Variants in MAP3K13 observed in about 807,000 individuals in gnomAD.
MAP3K13 encodes mitogen-activated protein kinase kinase kinase 13, also known as leucine zipper-bearing kinase.
MAP3K13 carries 52 observed loss-of-function variants against 104.0 expected under a neutral mutation model. That is an observed-to-expected ratio of 0.50 (90% CI 0.40 to 0.63). The LOEUF (loss-of-function observed/expected upper bound fraction) is 0.63, where lower values mean the gene tolerates loss of function less well. MAP3K13 is among the 20% of genes least tolerant of loss of function. The pLI, the probability that MAP3K13 is intolerant of heterozygous loss-of-function variation, is 0.00. For missense variants in MAP3K13, 914 were observed against 1,218.5 expected (o/e 0.75, Z 3.72); for synonymous variants, 394 against 442.2 (o/e 0.89, Z 1.37).
At position 185,441,306 on chromosome 3, in the gene MAP3K13, C is replaced by T. The variant is rs374044061; in HGVS notation, c.660-2139C>T. On this transcript the variant is annotated intron_variant, in intron 3 of 13. Transcript: ENST00000265026. ...TTAGTCTCCTTCCTCCTCCTCCAGGCCTCTGCACATGTTATTTGAAGGCTT... is the reference window on the plus strand; with the variant it reads ...TTAGTCTCCTTCCTCCTCCTCCAGGTCTCTGCACATGTTATTTGAAGGCTT... 1.1e-4 allele frequency among the ~76,000 whole-genome samples: 17 copies of T among 152,310 alleles called. No homozygotes were observed. The East Asian group carries it at 1.7e-3, about 16-fold the overall frequency.
chr3:185,404,695 A>ATCAAGTGATTCTCCTG (rs1713009562), intron 1 of MAP3K13, among the ~76,000 whole-genome samples: 5 of 151,582 alleles, frequency 3.3e-5, no homozygotes, highest in African/African-American at 1.2e-4. Context: ...TCCTGCCTCA[A>ATCAAGTGATTCTCCTG]CCTCCCAAAT....
intron 1 of MAP3K13, among the ~76,000 whole-genome samples, chr3:185,395,708 G>A (rs1041158655): frequency 2.0e-5 from 3 of 150,566 alleles, no homozygotes; most frequent in African/African-American, 4.9e-5. Context: ...TTTTTGAGAC[G>A]GAGTCTTGCT....
At chr3:185,409,883 C>G (rs1020322811) in intron 1 of MAP3K13, among the ~76,000 whole-genome samples, 1 of 152,160 alleles carries the variant, frequency 6.6e-6, no homozygotes, top group African/African-American at 2.4e-5. Flanking sequence ...GCACCATGGA[C>G]CAGTTTCGTA....
chr3:185,436,934 G>C (rs1359425776), intron 2 of MAP3K13, among the ~76,000 whole-genome samples: 2 of 140,556 alleles, frequency 1.4e-5, no homozygotes, highest in African/African-American at 2.7e-5. Context: ...CCCAGAGGCA[G>C]AGGTTGCAGT....
At chr3:185,293,437 A>G (rs1161596606) in intron 2 of MAP3K13, among the ~76,000 whole-genome samples, 2 of 150,238 alleles carry the variant, frequency 1.3e-5, no homozygotes, top group African/African-American at 4.9e-5. Context: ...ACAGGGTCTC[A>G]CTTTATCACC....
intron 3 of MAP3K13, among the ~76,000 whole-genome samples, chr3:185,442,944 G>C (rs1170328966): frequency 7.9e-5 from 12 of 151,946 alleles, no homozygotes; most frequent in Admixed American, 7.9e-4. Context: ...GGTTCAAGCA[G>C]TTCTCTGCCT....
At chr3:185,476,771 G>A (rs1042917176) in intron 11 of MAP3K13, among the ~76,000 whole-genome samples, 2 of 152,302 alleles carry the variant, frequency 1.3e-5, no homozygotes, top group African/African-American at 2.4e-5. Flanking sequence ...TATATTTATA[G>A]GGATAACACC....
intron 2 of MAP3K13, among the ~76,000 whole-genome samples, chr3:185,345,878 AC>A (rs1419635202): frequency 1.3e-5 from 2 of 151,924 alleles, no homozygotes; most frequent in Admixed American, 1.3e-4. Context: ...TCTTCATGAA[AC>A]CGGTCCCTGG....
At chr3:185,475,992 AC>A (rs1296029002) in intron 11 of MAP3K13, among the ~76,000 whole-genome samples, 1 of 152,190 alleles carries the variant, frequency 6.6e-6, no homozygotes, top group African/African-American at 2.4e-5. Flanking sequence ...TGCATACCAT[AC>A]AGTCCTCCCA....
In MAP3K13 at chr3:185,482,351, G is replaced by A. The variant is rs1401774369; in HGVS notation, c.2800-4G>A. ...TGAATTAAGGTTTTGTCTTGCCTTT[G>A]CAGAACCCCATGCAGTTTGAAGAAT... On this transcript the variant is annotated splice_polypyrimidine_tract_variant and splice_region_variant and intron_variant, in intron 13 of 13. Transcript: ENST00000265026. The surrounding 1 kb of genome is among the most constrained non-coding windows in gnomAD (Gnocchi z 4.5). 1 of 1,609,728 alleles carries A rather than the reference G, an allele frequency of 6.2e-7. No homozygotes were observed. The highest frequency in any genetic ancestry group is 8.5e-7 in the Non-Finnish European group (1 of 1,176,010).
At chr3:185,291,048 A>G (rs2108672743) in intron 2 of MAP3K13, among the ~76,000 whole-genome samples, 1 of 152,242 alleles carries the variant, frequency 6.6e-6, no homozygotes, top group Middle Eastern at 3.4e-3. Flanking sequence ...CAATATTTTT[A>G]CTATGTTTTT....
intron 2 of MAP3K13, among the ~76,000 whole-genome samples, chr3:185,336,729 G>T (rs1169315050): frequency 6.6e-6 from 1 of 150,498 alleles, no homozygotes; most frequent in Non-Finnish European, 1.5e-5. Context: ...GAAGTTAAAA[G>T]GCTTTAACTT....
chr3:185,402,766 A>C (rs1020707447), intron 1 of MAP3K13, among the ~76,000 whole-genome samples: 1 of 152,260 alleles, frequency 6.6e-6, no homozygotes, highest in South Asian at 2.1e-4. Flanking sequence ...CCCAGCCCTG[A>C]TAGGAAAGAG....
At chr3:185,393,106 T>A (rs2108769671) in intron 1 of MAP3K13, among the ~76,000 whole-genome samples, 1 of 152,164 alleles carries the variant, frequency 6.6e-6, no homozygotes, top group African/African-American at 2.4e-5. Flanking sequence ...TAATGACCTG[T>A]GCTAGAAGGG....
At chr3:185,283,899 T>C (rs1244608349) in intron 1 of MAP3K13, among the ~76,000 whole-genome samples, 2 of 107,082 alleles carry the variant, frequency 1.9e-5, no homozygotes, top group Non-Finnish European at 3.6e-5. Context: ...TCTTTCTTTC[T>C]TTTTTTTTTT....
In MAP3K13 at chr3:185,284,876, C is replaced by A. The variant is rs1182816580; in HGVS notation, c.-204-649C>A. 3.3e-5 allele frequency among the ~76,000 whole-genome samples: 5 copies of A among 152,172 alleles called. No homozygotes were observed. In the South Asian group the frequency reaches 1.0e-3, roughly 32 times the overall value. On this transcript the variant is annotated intron_variant, in intron 1 of 14. Transcript: ENST00000424227. ...GGAAAAAAAGTGCAGATGAGACTGT[C>A]GTCAGGCTATGTAATGAAATCTTGG... is the stretch of plus-strand genomic sequence containing the variant.
chr3:185,399,629 G>GGC (rs1180857021), intron 1 of MAP3K13, among the ~76,000 whole-genome samples: 4 of 9,082 alleles, frequency 4.4e-4, no homozygotes, highest in African/African-American at 1.1e-3. Flanking sequence ...AGAAAGGCGG[G>GGC]GGGGGGGGGG....
At chr3:185,425,815 ACTT>A (rs1429993533) in intron 1 of MAP3K13, among the ~76,000 whole-genome samples, 4 of 152,060 alleles carry the variant, frequency 2.6e-5, no homozygotes, top group African/African-American at 7.2e-5. Flanking sequence ...TTCAAGCAAA[ACTT>A]CTTCTTATAA....
intron 2 of MAP3K13, among the ~76,000 whole-genome samples, chr3:185,430,929 A>T (rs541024863): frequency 2.1e-4 from 32 of 152,326 alleles, no homozygotes; most frequent in African/African-American, 7.2e-4. Flanking sequence ...ATGGACCCAC[A>T]GTTCAGCAGG....
Sources: gnomAD v4.1 joint callset for allele counts (sites outside exome capture counted in the v4.1 genomes callset) on GRCh38, gnomAD v4.1.1 for gene constraint, Gnocchi (gnomAD v3.1) non-coding constraint, MANE v1.5 for transcripts, NCBI Gene and HGNC (gene_info 2026-07-23, HGNC 2026-07-21) for gene names.